DLG2: variants seen among roughly 807,000 people sequenced by gnomAD.
DLG2 encodes the protein disks large homolog 2.
In DLG2, 45 loss-of-function variants were observed where a neutral mutation model predicts 132.5. The ratio of observed to expected loss-of-function variants is 0.34; its 90% CI spans 0.27 to 0.44. DLG2 has a LOEUF of 0.44. DLG2 is among the 20% of genes least tolerant of loss of function. The pLI, the probability that DLG2 is intolerant of heterozygous loss-of-function variation, is 1.00. For synonymous variants in DLG2, 424 were observed against 419.6 expected (o/e 1.01, Z -0.13); for missense variants, 1,045 against 1,196.9 (o/e 0.87, Z 1.87).
intron 3 of DLG2, among the ~76,000 whole-genome samples, chr11:85,420,430 G>C (rs190969145): frequency 7.9e-4 from 121 of 152,306 alleles, no homozygotes; most frequent in Non-Finnish European, 1.3e-3. Context: ...CACTCGAGGA[G>C]GCAGTCTGTC....
chr11:83,921,998 C>T (rs1242994863), intron 15 of DLG2, among the ~76,000 whole-genome samples: 1 of 152,118 alleles, frequency 6.6e-6, no homozygotes, highest in Non-Finnish European at 1.5e-5. Context: ...CATGAAGCCT[C>T]CTGACTCTAC....
At chr11:84,236,101 G>A (rs564080502) in intron 8 of DLG2, among the ~76,000 whole-genome samples, 2 of 148,096 alleles carry the variant, frequency 1.4e-5, no homozygotes, top group East Asian at 4.0e-4. Context: ...ATTTCCTCAA[G>A]TTCACAAAAG....
intron 3 of DLG2, among the ~76,000 whole-genome samples, chr11:85,484,887 A>G (rs1012976020): frequency 2.0e-5 from 3 of 152,034 alleles, no homozygotes; most frequent in African/African-American, 7.2e-5. Flanking sequence ...ATGCTGCTAT[A>G]AAGACACATG....
intron 3 of DLG2, among the ~76,000 whole-genome samples, chr11:85,477,081 T>C (rs1231316509): frequency 6.6e-6 from 1 of 152,148 alleles, no homozygotes; most frequent in Non-Finnish European, 1.5e-5. Flanking sequence ...CACTAGTTGA[T>C]AGGAAGTTTT....
At position 84,363,699 on chromosome 11, in the gene DLG2, G is replaced by T. The variant is rs561406757; in HGVS notation, c.520-112408C>A. ...AACTGATTTTTGTATAAGGTGTAAGGAAGGGATCCAGTTTCAGCTTTCTAC... is the reference window on the plus strand; with the variant it reads ...AACTGATTTTTGTATAAGGTGTAAGTAAGGGATCCAGTTTCAGCTTTCTAC... On this transcript the variant is annotated intron_variant, in intron 7 of 27. Transcript: ENST00000376104. Among the ~76,000 whole-genome samples the T allele has an allele frequency of 1.3e-4, 19 of 151,792 alleles. No homozygotes were observed. In the South Asian group the frequency reaches 1.7e-3, roughly 13 times the overall value.
intron 6 of DLG2, among the ~76,000 whole-genome samples, chr11:84,933,170 G>A (rs912770833): frequency 2.0e-5 from 3 of 151,932 alleles, no homozygotes; most frequent in Non-Finnish European, 4.4e-5. Context: ...CAGCTTTGTT[G>A]AAGATCAGTA....
intron 18 of DLG2, among the ~76,000 whole-genome samples, chr11:83,770,022 C>T (rs193014694): frequency 2.9e-4 from 44 of 152,304 alleles, no homozygotes; most frequent in Admixed American, 2.0e-3. Flanking sequence ...CTGGCAATAA[C>T]CCGTCCACAT....
At chr11:85,068,876 G>T (rs940048153) in intron 6 of DLG2, among the ~76,000 whole-genome samples, 1 of 152,110 alleles carries the variant, frequency 6.6e-6, no homozygotes, top group Non-Finnish European at 1.5e-5. Flanking sequence ...AAAGCTGGAG[G>T]CATCACTCTA....
chr11:85,060,188 T>A (rs1008562224), intron 6 of DLG2, among the ~76,000 whole-genome samples: 1 of 151,578 alleles, frequency 6.6e-6, no homozygotes, highest in Non-Finnish European at 1.5e-5. Flanking sequence ...ACTGGAATTA[T>A]GCAGTATTTG....
intron 4 of DLG2, among the ~76,000 whole-genome samples, chr11:85,272,703 G>A (rs913180849): frequency 5.9e-5 from 9 of 152,068 alleles, no homozygotes; most frequent in Admixed American, 1.3e-4. Context: ...TAGATTCAAT[G>A]CCATCCCCAT....
intron 4 of DLG2, among the ~76,000 whole-genome samples, chr11:85,231,023 GCTA>G: frequency 6.6e-6 from 1 of 152,044 alleles, no homozygotes; most frequent in South Asian, 2.1e-4. Flanking sequence ...GAAATAAATT[GCTA>G]CTATTTATTA....
At chr11:84,541,505 T>A (rs2099370473) in intron 6 of DLG2, among the ~76,000 whole-genome samples, 1 of 152,110 alleles carries the variant, frequency 6.6e-6, no homozygotes, top group African/African-American at 2.4e-5. Flanking sequence ...TGTATCTCTT[T>A]TATGCTCCCA....
At position 83,583,847 on chromosome 11, in the gene DLG2, A is replaced by G. The variant is rs117201087; in HGVS notation, c.1941-41989T>C. 4.9e-3 allele frequency among the ~76,000 whole-genome samples: 743 copies of G among 152,332 alleles called. 2 individuals are homozygous for G. The highest frequency in any genetic ancestry group is 8.1e-3 in the Non-Finnish European group (551 of 68,020). On this transcript the variant is annotated intron_variant, in intron 19 of 27. Coordinates refer to ENST00000376104, the MANE Select transcript of DLG2 (RefSeq NM_001142699.3). ...AAAATAGGTAAGATTCAAAATGCAA[A>G]ATTCAACAGAAATATGTTTGTAGTG...
intron 21 of DLG2, among the ~76,000 whole-genome samples, chr11:83,509,471 G>C (rs2094897410): frequency 6.6e-6 from 1 of 152,120 alleles, no homozygotes; most frequent in African/African-American, 2.4e-5. Context: ...CAGAAATGCA[G>C]TAGCTACGTG....
intron 4 of DLG2, among the ~76,000 whole-genome samples, chr11:85,211,839 C>T (rs1036479751): frequency 1.3e-5 from 2 of 152,068 alleles, no homozygotes; most frequent in African/African-American, 2.4e-5. Flanking sequence ...CATTTGGGAG[C>T]TATCTCATTA....
intron 4 of DLG2, among the ~76,000 whole-genome samples, chr11:85,199,079 G>A (rs1183740342): frequency 6.6e-6 from 1 of 152,138 alleles, no homozygotes; most frequent in Non-Finnish European, 1.5e-5. Context: ...CCCAAATGAA[G>A]TTAAAGCCTA....
At chr11:85,221,809 A>G (rs2074663388) in intron 4 of DLG2, among the ~76,000 whole-genome samples, 1 of 152,218 alleles carries the variant, frequency 6.6e-6, no homozygotes, top group African/African-American at 2.4e-5. Flanking sequence ...CCTGACTTGA[A>G]AGCCTTTGCT....
intron 3 of DLG2, among the ~76,000 whole-genome samples, chr11:85,288,140 T>C (rs1480055412): frequency 1.3e-5 from 2 of 152,064 alleles, no homozygotes; most frequent in African/African-American, 4.8e-5. Flanking sequence ...GTGTATATTA[T>C]AGATAAATTG....
chr11:84,187,356 A>C (rs78367847), intron 8 of DLG2, among the ~76,000 whole-genome samples: 7,835 of 152,046 alleles, frequency 0.052, 599 homozygotes, highest in African/African-American at 0.17. Context: ...TTTAGTTGTA[A>C]AGGCTCTTGA....
Sources: allele counts gnomAD v4.1 joint callset (sites outside exome capture counted in the v4.1 genomes callset), GRCh38; gene constraint gnomAD v4.1.1; transcripts MANE v1.5; gene names NCBI Gene and HGNC (gene_info 2026-07-23, HGNC 2026-07-21).